Variants in YTHDC2 observed in about 807,000 individuals in gnomAD.
YTHDC2 encodes 3'-5' RNA helicase YTHDC2.
YTHDC2 carries 45 observed loss-of-function variants against 174.9 expected under a neutral mutation model. That is an observed-to-expected ratio of 0.26 (90% CI 0.20 to 0.33). The LOEUF (loss-of-function observed/expected upper bound fraction) is 0.33, where lower values mean the gene tolerates loss of function less well. Among genes scored for constraint, YTHDC2 ranks in the 10% least tolerant of loss-of-function variants. The pLI, the probability that YTHDC2 is intolerant of heterozygous loss-of-function variation, is 1.00. For synonymous variants in YTHDC2, 657 were observed against 574.5 expected (o/e 1.14, Z -2.05); for missense variants, 1,650 against 1,723.7 (o/e 0.96, Z 0.76).
At chr5:113,521,883 C>T (rs961697734) in intron 2 of YTHDC2, among the ~76,000 whole-genome samples, 3 of 149,316 alleles carry the variant, frequency 2.0e-5, no homozygotes, top group African/African-American at 7.4e-5. Flanking sequence ...GTGACCATAC[C>T]TTGAAAGCAG....
chr5:113,541,403 G>C (rs1775456108), intron 9 of YTHDC2, among the ~76,000 whole-genome samples: 1 of 152,034 alleles, frequency 6.6e-6, no homozygotes, highest in Non-Finnish European at 1.5e-5. Context: ...GTGTTAGCCA[G>C]GGTGGTCTTG....
intron 10 of YTHDC2, among the ~76,000 whole-genome samples, chr5:113,544,007 A>AT (rs1267329033): frequency 6.6e-6 from 1 of 151,976 alleles, no homozygotes; most frequent in Non-Finnish European, 1.5e-5. Flanking sequence ...CCTGTCATGT[A>AT]TTTTTTATTT....
intron 23 of YTHDC2, among the ~76,000 whole-genome samples, chr5:113,578,677 A>G (rs1778215569): frequency 6.6e-6 from 1 of 152,084 alleles, no homozygotes; most frequent in South Asian, 2.1e-4. Flanking sequence ...TGTAGGTTTT[A>G]GGTGTTAATC....
In YTHDC2 at chr5:113,513,763, T is replaced by A; in HGVS notation, c.-133T>A. On this transcript the variant is annotated 5_prime_UTR_variant, in exon 1 of 30. Transcript: ENST00000161863. ...GCTGTGGCGGTGACTGAGGCCTTTC[T>A]GGTGACCTCAGCCCAACACAGGCCG... 1.0e-6 allele frequency: 1 copy of A among 963,636 alleles called. No homozygotes were observed. Among genetic ancestry groups the A allele is most frequent in the Non-Finnish European group, 1.5e-6 (1 of 685,380 alleles). The allele number at this position is 963,636 out of a possible 1,614,324, so 59.7% of individuals were successfully genotyped here.
chr5:113,541,451 A>G (rs1302789672), intron 9 of YTHDC2, among the ~76,000 whole-genome samples: 3 of 152,172 alleles, frequency 2.0e-5, no homozygotes, highest in African/African-American at 7.2e-5. Context: ...TCGGCCTCCC[A>G]AAGTGCTGGG....
At chr5:113,522,098 T>C (rs111697436) in intron 2 of YTHDC2, among the ~76,000 whole-genome samples, 19 of 151,438 alleles carry the variant, frequency 1.3e-4, no homozygotes, top group African/African-American at 3.4e-4. Context: ...TAAAATTAAG[T>C]ACTTATTAGG....
intron 4 of YTHDC2, among the ~76,000 whole-genome samples, chr5:113,528,579 A>G (rs972979769): frequency 9.5e-5 from 13 of 136,714 alleles, no homozygotes; most frequent in South Asian, 2.2e-4. Flanking sequence ...CTGGAGTGCA[A>G]TGGCGTGCAG....
At chr5:113,554,435 T>C (rs1465349356) in intron 16 of YTHDC2, among the ~76,000 whole-genome samples, 1 of 152,070 alleles carries the variant, frequency 6.6e-6, no homozygotes, top group Admixed American at 6.6e-5. Context: ...ATGTCTTTGT[T>C]CACTGTTAAA....
chr5:113,571,011 C>T (rs1231648690), intron 23 of YTHDC2, among the ~76,000 whole-genome samples: 1 of 152,124 alleles, frequency 6.6e-6, no homozygotes, highest in African/African-American at 2.4e-5. Context: ...AACTTCCAAT[C>T]CTATGTTGAA....
At chr5:113,542,049 C>T (rs1178286170) in intron 9 of YTHDC2, among the ~76,000 whole-genome samples, 1 of 152,144 alleles carries the variant, frequency 6.6e-6, no homozygotes, top group East Asian at 1.9e-4. Flanking sequence ...TGATACTTCC[C>T]TTGATGTGCA....
chr5:113,554,036 A>T lies in YTHDC2; in HGVS notation c.2133+14A>T. On this transcript the variant is annotated intron_variant, in intron 16 of 29. Transcript: ENST00000161863. Reference sequence around the variant, plus strand: ...AAGGTGAAAGAGGTATGTATGGGTAAGTTGTAGTTTTACTTAAATGAAGAA... The same window carrying T: ...AAGGTGAAAGAGGTATGTATGGGTATGTTGTAGTTTTACTTAAATGAAGAA... The T allele has an allele frequency of 6.7e-7, 1 of 1,496,490 alleles. No individual in the cohort carries two copies. The highest frequency in any genetic ancestry group is 8.9e-7 in the Non-Finnish European group (1 of 1,122,158). 92.7% of individuals were successfully genotyped at this position (1,496,490 alleles called of 1,614,324 possible).
intron 12 of YTHDC2, among the ~76,000 whole-genome samples, chr5:113,550,749 C>G (rs1484320942): frequency 1.3e-5 from 2 of 151,978 alleles, no homozygotes; most frequent in Non-Finnish European, 2.9e-5. Flanking sequence ...AAACCATTTA[C>G]CACCACTATG....
At position 113,557,820 on chromosome 5, in the gene YTHDC2, T is replaced by C. The variant is rs187412774; in HGVS notation, c.2216+1686T>C. On this transcript the variant is annotated intron_variant, in intron 17 of 29. Coordinates refer to ENST00000161863, the MANE Select transcript of YTHDC2 (RefSeq NM_022828.5). ...GTCTCAAAAAAAATAAAATAACAAA[T>C]AGTATATTATTGGAGATGAAGGCCA... Among the ~76,000 whole-genome samples, 6 of 152,086 alleles carry C rather than the reference T, an allele frequency of 3.9e-5. No individual in the cohort carries two copies. In the East Asian group the frequency reaches 1.2e-3, roughly 29 times the overall value.
intron 2 of YTHDC2, among the ~76,000 whole-genome samples, chr5:113,521,738 A>G (rs950067980): frequency 6.6e-6 from 1 of 151,356 alleles, no homozygotes; most frequent in African/African-American, 2.4e-5. Context: ...CTCAAAAAAA[A>G]AAAAAGAAAA....
In YTHDC2 at chr5:113,513,822, C is replaced by T. The variant is rs1347623079; in HGVS notation, c.-74C>T. 3 of 1,468,994 alleles carry T rather than the reference C, an allele frequency of 2.0e-6. No homozygotes were observed. The highest frequency in any genetic ancestry group is 2.7e-6 in the Non-Finnish European group (3 of 1,111,200). 91.0% of individuals were successfully genotyped at this position (1,468,994 alleles called of 1,614,324 possible). A position where few individuals can be genotyped will look rare whatever the true frequency, so the allele number is the denominator to read the frequency against. On this transcript the variant is annotated 5_prime_UTR_variant, in exon 1 of 30. Transcript: ENST00000161863. ...GCTTCCCGGTAGTGGCCCCGGATTCCCACGGTCTTTGTCATTGGCTGTCAG... is the reference window on the plus strand; with the variant it reads ...GCTTCCCGGTAGTGGCCCCGGATTCTCACGGTCTTTGTCATTGGCTGTCAG...
chr5:113,561,492 A>C, intron 18 of YTHDC2, among the ~76,000 whole-genome samples: 1 of 135,480 alleles, frequency 7.4e-6, no homozygotes, highest in African/African-American at 3.0e-5. Context: ...TTTTTGAGTC[A>C]GAGTCTTGCT....
intron 3 of YTHDC2, 70 bp from the exon 4 acceptor site, chr5:113,526,516 A>G: frequency 2.2e-6 from 3 of 1,343,076 alleles, no homozygotes; most frequent in South Asian, 1.6e-5. Context: ...GGCAAAAAAA[A>G]TTACTTATTT....
chr5:113,553,922 A>G lies in YTHDC2; in HGVS notation c.2053-20A>G. ...TTTTTTCTGTTTTTTTATTAACTTTAAAGTAATATCTTGTTGCAGATTCTT... is the reference window on the plus strand; with the variant it reads ...TTTTTTCTGTTTTTTTATTAACTTTGAAGTAATATCTTGTTGCAGATTCTT... On this transcript the variant is annotated intron_variant, in intron 15 of 29. Transcript: ENST00000161863. The G allele has an allele frequency of 6.3e-7, 1 of 1,584,114 alleles. No homozygotes were observed. Among genetic ancestry groups the G allele is most frequent in the Non-Finnish European group, 8.5e-7 (1 of 1,170,640 alleles).
At chr5:113,593,230 A>G (rs1779098444) in intron 28 of YTHDC2, 73 bp from the exon 29 acceptor site, 2 of 972,050 alleles carry the variant, frequency 2.1e-6, no homozygotes, top group Admixed American at 2.1e-5. Context: ...CATTTTTATC[A>G]GTGTAGGTTT....
Sources: gnomAD v4.1 joint callset for allele counts (sites outside exome capture counted in the v4.1 genomes callset) on GRCh38, gnomAD v4.1.1 for gene constraint, MANE v1.5 for transcripts, NCBI Gene and HGNC (gene_info 2026-07-23, HGNC 2026-07-21) for gene names.